Variants in HSF2 observed in about 807,000 individuals in gnomAD.
The protein encoded by HSF2 is heat shock factor protein 2.
A neutral mutation model predicts 65.0 loss-of-function variants in HSF2; 21 were observed. That is an observed-to-expected ratio of 0.32 (90% CI 0.23 to 0.47). The LOEUF is 0.47. Among genes scored for constraint, HSF2 ranks in the 20% least tolerant of loss-of-function variants. HSF2 has a pLI of 1.00. For missense variants in HSF2, 499 were observed against 628.1 expected (o/e 0.79, Z 2.20); for synonymous variants, 225 against 219.1 (o/e 1.03, Z -0.24).
chr6:122,408,160 T>A (rs1234697740), intron 1 of HSF2, among the ~76,000 whole-genome samples: 1 of 152,088 alleles, frequency 6.6e-6, no homozygotes, highest in Non-Finnish European at 1.5e-5. Context: ...TCAGTGGTTT[T>A]GTTTCTGGAG....
intron 11 of HSF2, among the ~76,000 whole-genome samples, chr6:122,430,939 G>T (rs1242160810): frequency 6.6e-6 from 1 of 152,122 alleles, no homozygotes; most frequent in Non-Finnish European, 1.5e-5. Flanking sequence ...TCTAAATAGT[G>T]ATAAAGAGTT....
At chr6:122,416,753 A>G (rs764009788) in intron 5 of HSF2, among the ~76,000 whole-genome samples, 1 of 152,208 alleles carries the variant, frequency 6.6e-6, no homozygotes, top group African/African-American at 2.4e-5. Flanking sequence ...TGATTTCTCA[A>G]TGTATGCTGT....
Position 122,399,963 on chromosome 6 carries a change from C to G in HSF2, c.93+133C>G, listed in dbSNP as rs1288691941. 5 of 715,544 alleles carry G rather than the reference C, an allele frequency of 7.0e-6. No homozygotes were observed. In the African/African-American group the frequency reaches 7.4e-5, roughly 11 times the overall value. The allele number at this position is 715,544 out of a possible 1,614,324, so 44.3% of individuals were successfully genotyped here. ...GCCCGCGGTGCGGGGCCTTGGCGTT[C>G]AGCCTCGCGGGGGACCCCCTGTATT... On this transcript the variant is annotated intron_variant, in intron 1 of 12. Transcript: ENST00000368455.
chr6:122,431,557 T>A, intron 12 of HSF2, 43 bp downstream of exon 12: 2 of 1,137,806 alleles, frequency 1.8e-6, no homozygotes, highest in Middle Eastern at 2.2e-4. Context: ...GTTTTTTTAA[T>A]CCTATGCAGA....
intron 9 of HSF2, 73 bp downstream of exon 9, chr6:122,423,030 G>T: frequency 6.5e-7 from 1 of 1,533,806 alleles, no homozygotes; most frequent in Non-Finnish European, 9.0e-7. Flanking sequence ...GTTTCTCTTT[G>T]AGTAATCTTC....
chr6:122,416,437 A>G, intron 5 of HSF2, 141 bp downstream of exon 5: 3 of 497,918 alleles, frequency 6.0e-6, no homozygotes, highest in Non-Finnish European at 1.1e-5. Context: ...TAAAAAATGA[A>G]ATGAAATTAA....
chr6:122,423,020 G>GT (rs1774271099), intron 9 of HSF2, 63 bp downstream of exon 9: 4 of 1,564,856 alleles, frequency 2.6e-6, no homozygotes, highest in African/African-American at 2.7e-5. Context: ...CACATGTTCT[G>GT]TTTCTCTTTG....
chr6:122,407,961 C>CAGAGAG (rs10534323), intron 1 of HSF2, among the ~76,000 whole-genome samples: 59 of 149,732 alleles, frequency 3.9e-4, no homozygotes, highest in African/African-American at 1.3e-3. Context: ...TTCCCAATGG[C>CAGAGAG]AGAGAGAGAG....
intron 11 of HSF2, among the ~76,000 whole-genome samples, chr6:122,428,977 A>G (rs1439715986): frequency 6.6e-6 from 1 of 152,080 alleles, no homozygotes; most frequent in Non-Finnish European, 1.5e-5. Context: ...TTGGTTTTTC[A>G]GGCCATATGT....
chr6:122,399,681 G>A lies in HSF2; in HGVS notation c.-57G>A, dbSNP rs754331795. Reference sequence around the variant, plus strand: ...TCGGGGAGCTGCTGCCGTAGCTGCCGCCGCCGCTACCACCGCGTTCGGGTG... The same window carrying A: ...TCGGGGAGCTGCTGCCGTAGCTGCCACCGCCGCTACCACCGCGTTCGGGTG... On this transcript the variant is annotated 5_prime_UTR_variant, in exon 1 of 13. Coordinates refer to ENST00000368455, the MANE Select transcript of HSF2 (RefSeq NM_004506.4). The A allele has an allele frequency of 1.4e-6, 2 of 1,481,010 alleles. No individual in the cohort carries two copies. Among genetic ancestry groups the A allele is most frequent in the Non-Finnish European group, 1.9e-6 (2 of 1,070,610 alleles). 91.7% of individuals were successfully genotyped at this position (1,481,010 alleles called of 1,614,324 possible). A position where few individuals can be genotyped will look rare whatever the true frequency, so the allele number is the denominator to read the frequency against.
At chr6:122,424,163 C>T (rs563532599) in intron 10 of HSF2, among the ~76,000 whole-genome samples, 1 of 152,074 alleles carries the variant, frequency 6.6e-6, no homozygotes, top group Non-Finnish European at 1.5e-5. Context: ...CAAGGTTCCC[C>T]TGCTCCAGTC....
rs1773664953 is a variant in HSF2, at chr6:122,399,662, A to AGCTGCTGCCGTAGCTGCCGCC, written c.-73_-53dup. The AGCTGCTGCCGTAGCTGCCGCC allele has an allele frequency of 7.4e-6, 9 of 1,219,306 alleles. No individual in the cohort carries two copies. In the East Asian group the frequency reaches 1.5e-4, roughly 20 times the overall value. The allele number at this position is 1,219,306 out of a possible 1,614,324, so 75.5% of individuals were successfully genotyped here. The stretch of plus-strand genomic sequence containing the variant: ...GCCTGCGTTGTGGGCGTTCTCGGGG[A>AGCTGCTGCCGTAGCTGCCGCC]GCTGCTGCCGTAGCTGCCGCCGCCG... On this transcript the variant is annotated 5_prime_UTR_variant, in exon 1 of 13. Transcript: ENST00000368455.
rs75902281 is a variant in HSF2, at chr6:122,401,075, G to A, written c.93+1245G>A. ...TGTGTTATTATTTGTTCTTTTTTCC[G>A]ACTTCCTTCTAGGATTTAATTTTTG... On this transcript the variant is annotated intron_variant, in intron 1 of 12. Transcript: ENST00000368455. 7.0e-3 allele frequency among the ~76,000 whole-genome samples: 1,064 copies of A among 152,046 alleles called. 9 individuals are homozygous for A. Among genetic ancestry groups the A allele is most frequent in the Non-Finnish European group, 9.1e-3 (619 of 67,976 alleles).
chr6:122,423,765 T>G, intron 10 of HSF2, 79 bp downstream of exon 10: 1 of 687,416 alleles, frequency 1.5e-6, no homozygotes, highest in Non-Finnish European at 2.4e-6. Context: ...TACGTCATTT[T>G]GTTTTGTATT....
chr6:122,421,673 C>T (rs1399459308), intron 7 of HSF2, among the ~76,000 whole-genome samples: 1 of 151,722 alleles, frequency 6.6e-6, no homozygotes, highest in Non-Finnish European at 1.5e-5. Flanking sequence ...TAACATGTAA[C>T]TGAGAGAGGT....
chr6:122,422,228 G>A lies in HSF2; in HGVS notation c.760G>A (p.Asp254Asn), dbSNP rs1262299394. The change falls in exon 8 of 13, where the codon GAT (aspartate) becomes AAT (asparagine). Residue 254 changes from aspartate to asparagine, a missense_variant. Around this residue, in one of 2 missense-constraint regions of HSF2, gnomAD observed 349 missense variants for 393.5 expected, o/e 0.89. Coordinates refer to ENST00000368455, the MANE Select transcript of HSF2 (RefSeq NM_004506.4). ...DDIIIYDVTD[D>N]NADEENIPVI... ...CATCATTATTTATGATGTTACTGAT[G>A]ATAATGCAGATGAAGAAAATATCCC... 1.3e-6 allele frequency: 2 copies of A among 1,594,520 alleles called. No homozygotes were observed. The highest frequency in any genetic ancestry group is 3.3e-5 in the Admixed American group (2 of 59,894).
rs1290359876 is a variant in HSF2 at position 122,416,267 on chromosome 6, C to G, written c.502C>G (p.His168Asp). The G allele has an allele frequency of 1.9e-6, 3 of 1,611,230 alleles. No homozygotes were observed. Among genetic ancestry groups the G allele is most frequent in the Non-Finnish European group, 1.7e-6 (2 of 1,177,718 alleles). Residue 168 changes from histidine to aspartate, a missense_variant, in exon 5 of 13, where the codon CAT becomes GAT. His to Asp is a moderately conservative substitution (Grantham distance 81). Coordinates refer to ENST00000368455, the MANE Select transcript of HSF2 (RefSeq NM_004506.4). ...WKEVSELRAKHAQQQQVIRKI... is the reference protein window; with the variant it reads ...WKEVSELRAKDAQQQQVIRKI... ...GGAGGTGTCAGAATTACGAGCAAAG[C>G]ATGCACAACAGCAACAAGTTATTCG...
At chr6:122,431,189 A>G (rs1470365845) in intron 11 of HSF2, among the ~76,000 whole-genome samples, 1 of 152,062 alleles carries the variant, frequency 6.6e-6, no homozygotes, top group Non-Finnish European at 1.5e-5. Context: ...TTCATTTCAT[A>G]CTTAATATAG....
At position 122,432,178 on chromosome 6, in the gene HSF2, T is replaced by C; in HGVS notation, c.1569T>C (p.Ala523=). The C allele has an allele frequency of 6.2e-7, 1 of 1,614,090 alleles. No individual in the cohort carries two copies. The highest frequency in any genetic ancestry group is 8.5e-7 in the Non-Finnish European group (1 of 1,179,952). The part of the protein sequence containing the change: ...EATLFYLCEL[A]PAPLDSDMPL... ...CACTGTTTTATTTATGTGAACTTGCTCCTGCACCTCTGGATAGTGATATGC... is the reference window on the plus strand; with the variant it reads ...CACTGTTTTATTTATGTGAACTTGCCCCTGCACCTCTGGATAGTGATATGC... The change falls in exon 13 of 13, where the codon GCT becomes GCC. Residue 523 remains alanine (A), a synonymous_variant. Transcript: ENST00000368455.
Sources: gnomAD v4.1 joint callset for allele counts (sites outside exome capture counted in the v4.1 genomes callset) on GRCh38, gnomAD v4.1.1 for gene constraint, gnomAD v4.1.1 regional missense constraint, MANE v1.5 for transcripts, NCBI Gene and HGNC (gene_info 2026-07-23, HGNC 2026-07-21) for gene names.